Variants in ODAD2 observed in about 807,000 individuals in gnomAD.
ODAD2 encodes the protein outer dynein arm-docking complex subunit 2.
ODAD2 carries 89 observed loss-of-function variants against 106.8 expected under a neutral mutation model. The ratio of observed to expected loss-of-function variants is 0.83; its 90% CI spans 0.70 to 0.99. The LOEUF (loss-of-function observed/expected upper bound fraction) is 0.99, where lower values mean the gene tolerates loss of function less well. ODAD2 is among the 50% of genes least tolerant of loss of function. The pLI is 0.00. For synonymous variants in ODAD2, 404 were observed against 436.2 expected, an observed-to-expected ratio of 0.93 and a Z score of 0.92; for missense variants, 1,168 against 1,238.5, an observed-to-expected ratio of 0.94 and a Z score of 0.85.
At chr10:27,923,583 G>C (rs901936801) in intron 16 of ODAD2, among the ~76,000 whole-genome samples, 3 of 152,008 alleles carry the variant, frequency 2.0e-5, no homozygotes, top group Admixed American at 6.6e-5. Context: ...AAAATAATAA[G>C]ATAGAAGACA....
chr10:27,958,988 T>A, intron 10 of ODAD2: 1 of 1,303,748 alleles, frequency 7.7e-7, no homozygotes, highest in Non-Finnish European at 1.0e-6. Flanking sequence ...GAAATAAAGA[T>A]AATGGACCGG....
At chr10:27,872,646 G>T (rs1344392506) in intron 17 of ODAD2, among the ~76,000 whole-genome samples, 2 of 152,084 alleles carry the variant, frequency 1.3e-5, no homozygotes, top group African/African-American at 4.8e-5. Context: ...CTGTTTATAT[G>T]CTGGATTACG....
intron 2 of ODAD2, among the ~76,000 whole-genome samples, chr10:27,990,082 T>C (rs532239454): frequency 6.6e-6 from 1 of 152,292 alleles, no homozygotes; most frequent in East Asian, 1.9e-4. Flanking sequence ...CTAAAAATTC[T>C]GTTTATACTC....
At chr10:27,957,203 G>C (rs940908522) in intron 10 of ODAD2, 1 of 152,140 alleles carries the variant, frequency 6.6e-6, no homozygotes, top group Non-Finnish European at 1.5e-5. Flanking sequence ...CAAGAAAGAC[G>C]GCAGGAAAAG....
intron 2 of ODAD2, among the ~76,000 whole-genome samples, chr10:27,990,200 T>G (rs1417859117): frequency 2.6e-5 from 4 of 151,960 alleles, no homozygotes; most frequent in Admixed American, 2.0e-4. Context: ...CAGGCTGGAG[T>G]GCAGTGGCAC....
At chr10:27,960,847 C>T (rs1025953685) in intron 10 of ODAD2, among the ~76,000 whole-genome samples, 2 of 152,136 alleles carry the variant, frequency 1.3e-5, no homozygotes, top group African/African-American at 4.8e-5. Context: ...TTCACAAATA[C>T]TTCTGGACGT....
At chr10:27,949,884 G>A (rs1847207218) in intron 10 of ODAD2, among the ~76,000 whole-genome samples, 1 of 152,060 alleles carries the variant, frequency 6.6e-6, no homozygotes, top group African/African-American at 2.4e-5. Flanking sequence ...TTATCAACTT[G>A]GTTCAGGAAA....
intron 17 of ODAD2, among the ~76,000 whole-genome samples, chr10:27,872,614 CAT>C (rs1840986761): frequency 6.6e-6 from 1 of 152,152 alleles, no homozygotes; most frequent in Non-Finnish European, 1.5e-5. Context: ...TTGAGATAAT[CAT>C]GTGGTTTTTG....
intron 17 of ODAD2, among the ~76,000 whole-genome samples, chr10:27,889,616 T>A (rs1478991804): frequency 6.6e-6 from 1 of 152,126 alleles, no homozygotes; most frequent in Non-Finnish European, 1.5e-5. Context: ...CACATTTTGG[T>A]GTGCTGTCCC....
intron 17 of ODAD2, among the ~76,000 whole-genome samples, chr10:27,871,754 T>C (rs1184058976): frequency 6.6e-6 from 1 of 152,184 alleles, no homozygotes; most frequent in Non-Finnish European, 1.5e-5. Flanking sequence ...TTTTGGTTAC[T>C]GTAGCCTTGT....
intron 17 of ODAD2, among the ~76,000 whole-genome samples, chr10:27,901,068 G>T (rs867135196): frequency 1.3e-5 from 2 of 152,124 alleles, no homozygotes; most frequent in South Asian, 2.1e-4. Context: ...AGAGAGAAAT[G>T]TTGGGTTACC....
intron 19 of ODAD2, among the ~76,000 whole-genome samples, chr10:27,855,728 T>C (rs896627461): frequency 2.0e-5 from 3 of 152,206 alleles, no homozygotes; most frequent in Admixed American, 1.3e-4. Flanking sequence ...GTACATGTAC[T>C]GAGCCTAGGA....
chr10:27,992,446 C>A (rs2133207578), intron 2 of ODAD2, among the ~76,000 whole-genome samples: 1 of 152,264 alleles, frequency 6.6e-6, no homozygotes, highest in South Asian at 2.1e-4. Context: ...ACCAGCAATT[C>A]AGGGGGCCAA....
At chr10:27,904,727 C>T (rs768701372) in intron 17 of ODAD2, among the ~76,000 whole-genome samples, 21 of 152,162 alleles carry the variant, frequency 1.4e-4, no homozygotes, top group Admixed American at 2.6e-4. Flanking sequence ...CTGGCTATTC[C>T]GACATGTTTA....
At chr10:27,874,426 G>T (rs977393576) in intron 17 of ODAD2, among the ~76,000 whole-genome samples, 1 of 152,166 alleles carries the variant, frequency 6.6e-6, no homozygotes, top group Non-Finnish European at 1.5e-5. Context: ...TTGCTTGTTA[G>T]TTGATGCAGT....
At chr10:27,900,514 T>A (rs1843127672) in intron 17 of ODAD2, among the ~76,000 whole-genome samples, 1 of 152,000 alleles carries the variant, frequency 6.6e-6, no homozygotes, top group African/African-American at 2.4e-5. Context: ...CAAACTCGTC[T>A]GAGCTAAAGG....
chr10:27,841,264 T>C (rs1838285630), intron 19 of ODAD2, among the ~76,000 whole-genome samples: 1 of 152,196 alleles, frequency 6.6e-6, no homozygotes, highest in African/African-American at 2.4e-5. Flanking sequence ...GGTTTGTGAA[T>C]GGATTCTTAA....
chr10:27,870,505 T>TCCCCCAA (rs2133424631), intron 17 of ODAD2, among the ~76,000 whole-genome samples: 1 of 151,914 alleles, frequency 6.6e-6, no homozygotes, highest in South Asian at 2.1e-4. Flanking sequence ...CCCTCCCCCA[T>TCCCCCAA]CCCCCAACCC....
intron 16 of ODAD2, among the ~76,000 whole-genome samples, chr10:27,913,545 G>C (rs1333885587): frequency 2.0e-5 from 3 of 152,194 alleles, no homozygotes; most frequent in South Asian, 2.1e-4. Context: ...ACAGTAAACA[G>C]ATAAACCCAC....
Sources: gnomAD v4.1 joint callset for allele counts (sites outside exome capture counted in the v4.1 genomes callset) on GRCh38, gnomAD v4.1.1 for gene constraint, MANE v1.5 for transcripts, NCBI Gene and HGNC (gene_info 2026-07-23, HGNC 2026-07-21) for gene names.